The following ACSL4 variants were observed in gnomAD, a reference collection of about 807,000 sequenced individuals.
The protein encoded by ACSL4 is acyl-CoA synthetase long chain family member 4.
Under a neutral mutation model 49.1 loss-of-function variants are expected in ACSL4, and 9 were observed. The observed-to-expected ratio is 0.18, with a 90% CI of 0.11 to 0.32. The LOEUF (loss-of-function observed/expected upper bound fraction) is 0.32, where lower values mean the gene tolerates loss of function less well. ACSL4 is among the 10% of genes least tolerant of loss of function. The probability of loss-of-function intolerance (pLI) is 1.00; values close to 1 mark genes in which losing one functional copy is unlikely to be tolerated. For synonymous variants in ACSL4, 191 were observed against 170.3 expected (o/e 1.12, Z -0.95); for missense variants, 333 against 493.7 (o/e 0.67, Z 3.08).
intron 1 of ACSL4, among the ~76,000 whole-genome samples, chrX:109,730,687 T>C (rs1445063665): frequency 8.9e-6 from 1 of 112,528 alleles, no homozygotes; most frequent in Non-Finnish European, 1.9e-5. Flanking sequence ...TTAAAGTTCC[T>C]AGCCAATTAC....
At chrX:109,731,757 G>C (rs768783210) in intron 1 of ACSL4, among the ~76,000 whole-genome samples, 2 of 111,483 alleles carry the variant, frequency 1.8e-5, no homozygotes, top group Non-Finnish European at 3.8e-5. Context: ...GGCAGAGAGT[G>C]TTAATTCTAA....
intron 1 of ACSL4, among the ~76,000 whole-genome samples, chrX:109,731,159 C>T (rs770004031): frequency 1.8e-4 from 20 of 111,251 alleles, no homozygotes; most frequent in Non-Finnish European, 3.6e-4. Context: ...CCACTATACA[C>T]AAACCTTTGA....
intron 1 of ACSL4, among the ~76,000 whole-genome samples, chrX:109,717,209 A>G (rs1009960678): frequency 9.0e-6 from 1 of 110,559 alleles, no homozygotes; most frequent in Non-Finnish European, 1.9e-5. Context: ...ATTTTTTTTT[A>G]AGAATAAGAA....
intron 1 of ACSL4, among the ~76,000 whole-genome samples, chrX:109,697,714 G>C (rs758553999): frequency 9.3e-4 from 91 of 97,701 alleles, no homozygotes; most frequent in African/African-American, 3.0e-3. Context: ...TTGACATGGG[G>C]GGGGGGGCGC....
chrX:109,671,330 G>A lies in ACSL4; in HGVS notation c.1003-2157C>T, dbSNP rs772695741. Among the ~76,000 whole-genome samples the A allele has an allele frequency of 5.4e-3, 600 of 110,488 alleles. 6 individuals are homozygous for A. The highest frequency in any genetic ancestry group is 0.017 in the African/African-American group (514 of 30,361). On this transcript the variant is annotated intron_variant, in intron 9 of 15. Transcript: ENST00000672401. ...TGCCCCGCCGCCGCCCCGTCTGGGA[G>A]ATGAGGAGCGTCTCTGACCGGCCTC...
chrX:109,720,898 G>A (rs1286264798), intron 1 of ACSL4, among the ~76,000 whole-genome samples: 3 of 111,878 alleles, frequency 2.7e-5, no homozygotes, highest in African/African-American at 9.7e-5. Context: ...GACCAAATCG[G>A]GAAAGTTTCC....
chrX:109,664,174 A>C (rs1268815582), intron 12 of ACSL4, among the ~76,000 whole-genome samples: 1 of 111,346 alleles, frequency 9.0e-6, no homozygotes, highest in Non-Finnish European at 1.9e-5. Flanking sequence ...TTAAAAAAAA[A>C]CTGAGATCAT....
At chrX:109,681,507 G>A (rs1326995132) in intron 4 of ACSL4, 132 bp from the exon 5 acceptor site, 18 of 524,125 alleles carry the variant, frequency 3.4e-5, no homozygotes, top group Non-Finnish European at 5.3e-5. Context: ...TGATTTCATA[G>A]TCTCTGTTAC....
chrX:109,717,365 G>A (rs1034265729), intron 1 of ACSL4, among the ~76,000 whole-genome samples: 1 of 110,030 alleles, frequency 9.1e-6, no homozygotes, highest in African/African-American at 3.3e-5. Flanking sequence ...GCAAGGTGGC[G>A]GGCACCTGTA....
In ACSL4 at chrX:109,665,425, T is replaced by C; in HGVS notation, c.1385A>G (p.Gln462Arg). The C allele has an allele frequency of 8.3e-7, 1 of 1,207,601 alleles. No individual in the cohort carries two copies. The highest frequency in any genetic ancestry group is 1.1e-6 in the Non-Finnish European group (1 of 891,807). Residue 462 changes from glutamine (Q) to arginine (R), a missense_variant, in exon 12 of 16, where the codon CAA (glutamine) becomes CGA (arginine). Gln to Arg is a conservative substitution (Grantham distance 43). This residue lies in a region of ACSL4 where 175 missense variants were observed against 275.8 expected (regional missense o/e 0.63). Transcript: ENST00000672401. ...GCTTTTCATAAAATTCTTACCTTCT[T>C]GCCAGTCTTTTAGCTTAATTTCACA... The part of the protein sequence containing the change: ...ICCEIKLKDW[Q>R]EGGYTINDKP...
chrX:109,682,922 A>G (rs943447883), intron 3 of ACSL4, 26 bp from the exon 4 acceptor site: 5 of 1,173,562 alleles, frequency 4.3e-6, no homozygotes, highest in Non-Finnish European at 5.8e-6. Context: ...ATTCTCTAAT[A>G]TTAGTATATT....
intron 1 of ACSL4, among the ~76,000 whole-genome samples, chrX:109,726,467 C>G (rs373915215): frequency 4.5e-5 from 5 of 111,750 alleles, no homozygotes; most frequent in African/African-American, 1.6e-4. Context: ...CAAATACAAC[C>G]AACATATACA....
At chrX:109,654,109 G>T (rs1043400892) in intron 15 of ACSL4, among the ~76,000 whole-genome samples, 1 of 109,968 alleles carries the variant, frequency 9.1e-6, no homozygotes, top group African/African-American at 3.3e-5. Flanking sequence ...TACAGTGATG[G>T]GGAAGAAGGT....
chrX:109,667,761 A>G (rs1375386135), intron 11 of ACSL4, among the ~76,000 whole-genome samples: 1 of 111,039 alleles, frequency 9.0e-6, no homozygotes, highest in Non-Finnish European at 1.9e-5. Context: ...GCATGGTGGC[A>G]CACGCCTGTA....
intron 15 of ACSL4, among the ~76,000 whole-genome samples, chrX:109,649,368 G>T (rs770111390): frequency 3.6e-5 from 4 of 110,990 alleles, no homozygotes; most frequent in African/African-American, 1.3e-4. Context: ...CACAAATAAC[G>T]CCACATATCT....
chrX:109,703,534 C>T lies in ACSL4; in HGVS notation c.-65-7338G>A, dbSNP rs760191196. Reference sequence around the variant, plus strand: ...TTCCCACCGGCAGTATATTAATATGCCCATTTCCCCATATCTCCTCCAATA... The same window carrying T: ...TTCCCACCGGCAGTATATTAATATGTCCATTTCCCCATATCTCCTCCAATA... On this transcript the variant is annotated intron_variant, in intron 1 of 15. Transcript: ENST00000672401. Among the ~76,000 whole-genome samples the T allele has an allele frequency of 3.6e-5, 4 of 111,788 alleles. No individual in the cohort carries two copies. The South Asian group carries it at 1.1e-3, about 31-fold the overall frequency.
intron 1 of ACSL4, among the ~76,000 whole-genome samples, chrX:109,702,107 C>G (rs972138678): frequency 9.3e-6 from 1 of 108,054 alleles, no homozygotes; most frequent in African/African-American, 3.4e-5. Context: ...CCCAGCTACT[C>G]GGGAGGCTGA....
chrX:109,719,452 A>C (rs1927378764), intron 1 of ACSL4, among the ~76,000 whole-genome samples: 1 of 111,588 alleles, frequency 9.0e-6, no homozygotes, highest in Non-Finnish European at 1.9e-5. Context: ...CCTATTTTGT[A>C]CTCCTCGCGC....
intron 1 of ACSL4, among the ~76,000 whole-genome samples, chrX:109,721,592 C>G (rs898982706): frequency 9.1e-6 from 1 of 109,904 alleles, no homozygotes; most frequent in East Asian, 2.9e-4. Context: ...ATTAGCCAGG[C>G]GTGGTAGTGC....
Sources: gnomAD v4.1 joint callset for allele counts (sites outside exome capture counted in the v4.1 genomes callset) on GRCh38, gnomAD v4.1.1 for gene constraint, gnomAD v4.1.1 regional missense constraint, MANE v1.5 for transcripts, NCBI Gene and HGNC (gene_info 2026-07-23, HGNC 2026-07-21) for gene names.